Variants in ABCC12 observed in about 807,000 individuals in gnomAD.
ABCC12 encodes ATP binding cassette subfamily C member 12.
A neutral mutation model predicts 151.1 loss-of-function variants in ABCC12; 142 were observed. That is an observed-to-expected ratio of 0.94 (90% CI 0.82 to 1.08). ABCC12 has a LOEUF of 1.08. Among genes scored for constraint, ABCC12 ranks in the 50% least tolerant of loss-of-function variants. The probability of loss-of-function intolerance (pLI) is 0.00; values close to 1 mark genes in which losing one functional copy is unlikely to be tolerated. For missense variants in ABCC12, 1,638 were observed against 1,691.1 expected (o/e 0.97, Z 0.55); for synonymous variants, 645 against 646.4 (o/e 1.00, Z 0.03).
chr16:48,085,811 T>C (rs1962571030), intron 28 of ABCC12, 105 bp from the exon 29 acceptor site: 2 of 926,702 alleles, frequency 2.2e-6, no homozygotes, highest in South Asian at 2.9e-5. Flanking sequence ...GCTTGCTTTA[T>C]TTTACTGTGG....
At chr16:48,085,115 C>T (rs1303561373) in intron 29 of ABCC12, among the ~76,000 whole-genome samples, 1 of 152,120 alleles carries the variant, frequency 6.6e-6, no homozygotes, top group Non-Finnish European at 1.5e-5. Context: ...TTTGATGAGG[C>T]TTCAGAGACT....
At chr16:48,098,483 G>A (rs939052778) in intron 23 of ABCC12, among the ~76,000 whole-genome samples, 2 of 152,182 alleles carry the variant, frequency 1.3e-5, no homozygotes, top group Non-Finnish European at 2.9e-5. Flanking sequence ...CCTGGGCTCT[G>A]CTGCCCTCTC....
At chr16:48,135,587 T>C (rs907478874) in intron 8 of ABCC12, among the ~76,000 whole-genome samples, 3 of 152,082 alleles carry the variant, frequency 2.0e-5, no homozygotes, top group Non-Finnish European at 2.9e-5. Flanking sequence ...GATCTCCCTA[T>C]GTTGCCCAGG....
intron 23 of ABCC12, among the ~76,000 whole-genome samples, chr16:48,099,541 G>T (rs964693287): frequency 6.6e-6 from 1 of 152,214 alleles, no homozygotes; most frequent in African/African-American, 2.4e-5. Context: ...AGTGGGAAAG[G>T]CTGCTATGGA....
chr16:48,149,262 AAG>A (rs201003510), intron 2 of ABCC12, among the ~76,000 whole-genome samples: 27 of 149,070 alleles, frequency 1.8e-4, no homozygotes, highest in African/African-American at 6.2e-4. Flanking sequence ...AAAAAAAAAA[AAG>A]GTAGGCAAGG....
intron 9 of ABCC12, among the ~76,000 whole-genome samples, chr16:48,131,797 A>C (rs759520810): frequency 4.6e-5 from 7 of 152,152 alleles, no homozygotes; most frequent in Admixed American, 1.3e-4. Flanking sequence ...GCTTCAACTA[A>C]TCCTAGTCCC....
rs1965144994 is a variant in ABCC12 at position 48,153,614 on chromosome 16, AC to A, written c.-51+1del. 6.6e-6 allele frequency: 1 copy of A among 152,038 alleles called. No individual in the cohort carries two copies. Among genetic ancestry groups the A allele is most frequent in the Non-Finnish European group, 1.5e-5 (1 of 68,006 alleles). The allele number at this position is 152,038 out of a possible 1,614,324, so 9.4% of individuals were successfully genotyped here. A position where few individuals can be genotyped will look rare whatever the true frequency, so the allele number is the denominator to read the frequency against. On this transcript the variant is annotated splice_donor_variant, in intron 2 of 30. Coordinates refer to ENST00000311303, the MANE Select transcript of ABCC12 (RefSeq NM_001393797.1). LOFTEE classifies it low-confidence loss of function (5UTR_SPLICE). Reference sequence around the variant, plus strand: ...AACTCATTGTCAGTGGAGAACCCTTACCTATAACTTCTATTTTTTGGTTCCC... The same window carrying A: ...AACTCATTGTCAGTGGAGAACCCTTACTATAACTTCTATTTTTTGGTTCCC...
At chr16:48,094,558 C>G (rs1389264196) in intron 24 of ABCC12, among the ~76,000 whole-genome samples, 1 of 152,190 alleles carries the variant, frequency 6.6e-6, no homozygotes, top group Non-Finnish European at 1.5e-5. Context: ...CTGGTTCACT[C>G]ACTCCTCTTC....
At chr16:48,130,062 G>A (rs961668) in intron 10 of ABCC12, among the ~76,000 whole-genome samples, 5,919 of 152,228 alleles carry the variant, frequency 0.039, 367 homozygotes, top group African/African-American at 0.14. Flanking sequence ...GGATGCTTAC[G>A]ATGACTTCTG....
chr16:48,154,118 T>C (rs1044305366), intron 1 of ABCC12, among the ~76,000 whole-genome samples: 4 of 152,038 alleles, frequency 2.6e-5, no homozygotes, highest in Non-Finnish European at 5.9e-5. Flanking sequence ...GTTCTTGGCA[T>C]TGTGTTTTCC....
At chr16:48,107,137 A>C (rs1963519995) in intron 20 of ABCC12, among the ~76,000 whole-genome samples, 185 bp downstream of exon 20, 1 of 152,168 alleles carries the variant, frequency 6.6e-6, no homozygotes, top group African/African-American at 2.4e-5. Flanking sequence ...CTTGTCTTGA[A>C]AAATCAAAGG....
At chr16:48,145,718 G>A (rs1964977279) in intron 3 of ABCC12, among the ~76,000 whole-genome samples, 1 of 152,192 alleles carries the variant, frequency 6.6e-6, no homozygotes, top group Admixed American at 6.5e-5. Flanking sequence ...CACACGCGGG[G>A]TCCAGTTGCC....
At chr16:48,115,324 G>C (rs1386905698) in intron 15 of ABCC12, 91 bp downstream of exon 15, 7 of 1,383,840 alleles carry the variant, frequency 5.1e-6, no homozygotes, top group Non-Finnish European at 7.0e-6. Context: ...GCTGAAGACA[G>C]GCAGATATAG....
At chr16:48,125,642 T>C (rs959352678) in intron 11 of ABCC12, among the ~76,000 whole-genome samples, 1 of 152,228 alleles carries the variant, frequency 6.6e-6, no homozygotes, top group African/African-American at 2.4e-5. Context: ...AATACTGCAC[T>C]TGGAGCATCT....
At chr16:48,108,631 C>T in intron 18 of ABCC12, 102 bp from the exon 19 acceptor site, 1 of 804,212 alleles carries the variant, frequency 1.2e-6, no homozygotes, top group Non-Finnish European at 2.0e-6. Context: ...GCTAAGGGGG[C>T]TGTGATGCAT....
intron 22 of ABCC12, among the ~76,000 whole-genome samples, chr16:48,102,875 C>T (rs938218963): frequency 2.6e-5 from 4 of 152,142 alleles, no homozygotes; most frequent in Non-Finnish European, 1.5e-5. Context: ...CAAAATTCCA[C>T]CAGACGTGGG....
chr16:48,133,412 G>A (rs1964496874), intron 9 of ABCC12, among the ~76,000 whole-genome samples: 1 of 151,898 alleles, frequency 6.6e-6, no homozygotes, highest in African/African-American at 2.4e-5. Flanking sequence ...TGTAATCCCA[G>A]CTACTCAGGA....
intron 12 of ABCC12, among the ~76,000 whole-genome samples, chr16:48,123,701 G>A (rs2150641375): frequency 6.6e-6 from 1 of 152,286 alleles, no homozygotes; most frequent in African/African-American, 2.4e-5. Flanking sequence ...CATTTTCCCT[G>A]GGGTCACCCA....
chr16:48,105,070 A>G, intron 21 of ABCC12, 69 bp downstream of exon 21: 1 of 1,571,136 alleles, frequency 6.4e-7, no homozygotes, highest in Non-Finnish European at 8.8e-7. Flanking sequence ...CATGCCTGGC[A>G]CACTGCAGGT....
Sources: allele counts gnomAD v4.1 joint callset (sites outside exome capture counted in the v4.1 genomes callset), GRCh38; gene constraint gnomAD v4.1.1; transcripts MANE v1.5; gene names NCBI Gene and HGNC (gene_info 2026-07-23, HGNC 2026-07-21).